The following NRG1 variants were observed in gnomAD, a reference collection of about 807,000 sequenced individuals.
The protein encoded by NRG1 is pro-neuregulin-1, membrane-bound isoform.
A neutral mutation model predicts 63.8 loss-of-function variants in NRG1; 18 were observed. That is an observed-to-expected ratio of 0.28 (90% CI 0.19 to 0.42). The LOEUF is 0.42. NRG1 is among the 10% of genes least tolerant of loss of function. The pLI, the probability that NRG1 is intolerant of heterozygous loss-of-function variation, is 1.00. For missense variants in NRG1, 762 were observed against 814.7 expected (o/e 0.94, Z 0.79); for synonymous variants, 302 against 301.3 (o/e 1.00, Z -0.02).
chr8:31,669,599 G>GAAAAAAAAAAAA (rs1187229465), intron 1 of NRG1, among the ~76,000 whole-genome samples: 2 of 151,664 alleles, frequency 1.3e-5, no homozygotes, highest in African/African-American at 4.8e-5. Flanking sequence ...TGAACCATCA[G>GAAAAAAAAAAAA]AAAAAAAAGG....
chr8:32,239,804 A>G (rs1413418406), intron 1 of NRG1, among the ~76,000 whole-genome samples: 1 of 152,186 alleles, frequency 6.6e-6, no homozygotes, highest in Non-Finnish European at 1.5e-5. Flanking sequence ...AAGCACATGA[A>G]AAGATGTTCA....
intron 1 of NRG1, among the ~76,000 whole-genome samples, chr8:31,679,204 T>A (rs1035749680): frequency 6.6e-6 from 1 of 152,142 alleles, no homozygotes; most frequent in Non-Finnish European, 1.5e-5. Flanking sequence ...ATGAGGCTCA[T>A]TTTTGCTGCT....
At chr8:31,936,333 T>TTTA (rs931842238) in intron 1 of NRG1, among the ~76,000 whole-genome samples, 1 of 152,222 alleles carries the variant, frequency 6.6e-6, no homozygotes, top group African/African-American at 2.4e-5. Flanking sequence ...TGTTGTAAAA[T>TTTA]ATTTGATGAT....
At chr8:32,340,954 G>T (rs1481316684) in intron 1 of NRG1, among the ~76,000 whole-genome samples, 1 of 152,162 alleles carries the variant, frequency 6.6e-6, no homozygotes, top group Non-Finnish European at 1.5e-5. Flanking sequence ...GAGGCCACAT[G>T]GCCTGCAAAG....
At chr8:32,232,642 T>G (rs1404744594) in intron 1 of NRG1, among the ~76,000 whole-genome samples, 1 of 152,154 alleles carries the variant, frequency 6.6e-6, no homozygotes, top group Non-Finnish European at 1.5e-5. Flanking sequence ...TTCAGACGAT[T>G]TTTGCTGTCC....
intron 1 of NRG1, among the ~76,000 whole-genome samples, chr8:31,946,001 G>A (rs1802481334): frequency 6.6e-6 from 1 of 152,148 alleles, no homozygotes; most frequent in Admixed American, 6.5e-5. Flanking sequence ...TCTCTGGGCT[G>A]CCCCCACAAC....
intron 1 of NRG1, among the ~76,000 whole-genome samples, chr8:32,167,087 A>G (rs889839366): frequency 6.6e-6 from 1 of 152,198 alleles, no homozygotes; most frequent in Non-Finnish European, 1.5e-5. Flanking sequence ...TGAACTTGGC[A>G]TGTTTTCTAT....
intron 1 of NRG1, among the ~76,000 whole-genome samples, chr8:32,151,862 G>A (rs112324329): frequency 3.9e-5 from 6 of 152,284 alleles, no homozygotes; most frequent in Non-Finnish European, 5.9e-5. Flanking sequence ...GACATTGTCC[G>A]TGAAGCTCCT....
chr8:31,833,355 T>C (rs1825356037), intron 1 of NRG1, among the ~76,000 whole-genome samples: 1 of 152,226 alleles, frequency 6.6e-6, no homozygotes, highest in South Asian at 2.1e-4. Flanking sequence ...TTGGTTATTA[T>C]GAATATCCTT....
intron 2 of NRG1, 39 bp from the exon 3 acceptor site, chr8:32,605,523 G>A: frequency 6.2e-7 from 1 of 1,607,602 alleles, no homozygotes; most frequent in Non-Finnish European, 8.5e-7. Context: ...TTGGATTTCT[G>A]TGATATATAC....
chr8:32,022,374 G>A (rs1193209253), intron 1 of NRG1, among the ~76,000 whole-genome samples: 1 of 152,076 alleles, frequency 6.6e-6, no homozygotes, highest in African/African-American at 2.4e-5. Flanking sequence ...TGTTACCAGA[G>A]CCTTTATTTC....
chr8:32,435,880 A>G (rs948380975), intron 1 of NRG1, among the ~76,000 whole-genome samples: 11 of 152,184 alleles, frequency 7.2e-5, no homozygotes, highest in Non-Finnish European at 1.2e-4. Context: ...GATATATGCC[A>G]GTACTTCTAT....
intron 1 of NRG1, among the ~76,000 whole-genome samples, chr8:31,773,987 A>G (rs926978715): frequency 1.3e-4 from 20 of 152,206 alleles, no homozygotes; most frequent in African/African-American, 4.8e-4. Context: ...TTTGTGAAAT[A>G]ACTAAATAAA....
In NRG1 at chr8:32,218,551, C is replaced by G. The variant is rs572118797; in HGVS notation, c.38-377277C>G. On this transcript the variant is annotated intron_variant, in intron 1 of 10. Transcript: ENST00000519301. ...TCACAGATTGCTTAGTCTGGAGAAG[C>G]TACTCTTGGCTCTATGCAGTCCACA... is the stretch of plus-strand genomic sequence containing the variant. 5.3e-5 allele frequency among the ~76,000 whole-genome samples: 8 copies of G among 152,276 alleles called. No individual in the cohort carries two copies. The South Asian group carries it at 1.0e-3, about 20-fold the overall frequency.
intron 1 of NRG1, among the ~76,000 whole-genome samples, chr8:32,075,306 T>TA (rs56184168): frequency 0.98 from 149,266 of 152,352 alleles, 73,192 homozygotes; most frequent in East Asian, 1. Flanking sequence ...CATACCAGAG[T>TA]ACAGGAATAA....
At chr8:32,112,651 A>G (rs1443064686) in intron 1 of NRG1, among the ~76,000 whole-genome samples, 1 of 152,160 alleles carries the variant, frequency 6.6e-6, no homozygotes, top group Non-Finnish European at 1.5e-5. Context: ...GGCTGAGTTA[A>G]TGTTTATTTG....
At chr8:32,652,872 T>G (rs542322767) in intron 5 of NRG1, among the ~76,000 whole-genome samples, 39 of 152,292 alleles carry the variant, frequency 2.6e-4, no homozygotes, top group Non-Finnish European at 4.4e-4. Context: ...CCTCTTCCTT[T>G]TAACAACTCT....
At chr8:31,776,858 G>A (rs1047500639) in intron 1 of NRG1, among the ~76,000 whole-genome samples, 4 of 152,080 alleles carry the variant, frequency 2.6e-5, no homozygotes, top group Non-Finnish European at 4.4e-5. Flanking sequence ...TCCCTACAAA[G>A]GACATGAACT....
At chr8:32,353,417 GT>G (rs1341799827) in intron 1 of NRG1, among the ~76,000 whole-genome samples, 3 of 151,610 alleles carry the variant, frequency 2.0e-5, no homozygotes, top group Non-Finnish European at 4.4e-5. Flanking sequence ...CAATTTTATA[GT>G]TGTAATATTT....
Sources: allele counts gnomAD v4.1 joint callset (sites outside exome capture counted in the v4.1 genomes callset), GRCh38; gene constraint gnomAD v4.1.1; transcripts MANE v1.5; gene names NCBI Gene and HGNC (gene_info 2026-07-23, HGNC 2026-07-21).